The following CTNNA3 variants were observed in gnomAD, a reference collection of about 807,000 sequenced individuals.
The protein encoded by CTNNA3 is catenin alpha-3.
In CTNNA3, 76 loss-of-function variants were observed where a neutral mutation model predicts 95.7. That is an observed-to-expected ratio of 0.79 (90% CI 0.66 to 0.96). The LOEUF is 0.96. Ranked by LOEUF, CTNNA3 falls within the 40% of genes least tolerant of loss-of-function variation. The probability of loss-of-function intolerance (pLI) is 0.00; values close to 1 mark genes in which losing one functional copy is unlikely to be tolerated. For missense variants in CTNNA3, 1,191 were observed against 1,089.8 expected, an observed-to-expected ratio of 1.09 and a Z score of -1.31; for synonymous variants, 431 against 374.4, an observed-to-expected ratio of 1.15 and a Z score of -1.74.
Position 66,909,599 on chromosome 10 carries a change from A to G in CTNNA3, c.1048-134075T>C, listed in dbSNP as rs148414711. On this transcript the variant is annotated intron_variant, in intron 7 of 17. Transcript: ENST00000433211. ...CAGAACAGGAAATTTCCTCCAACCA[A>G]TTACTCAGATTGGAAGCAAATAAGA... Among the ~76,000 whole-genome samples the G allele has an allele frequency of 4.6e-5, 7 of 152,262 alleles. No homozygotes were observed. The East Asian group carries it at 1.2e-3, about 25-fold the overall frequency.
intron 11 of CTNNA3, among the ~76,000 whole-genome samples, chr10:66,487,082 T>G (rs772496338): frequency 1.7e-4 from 26 of 152,028 alleles, no homozygotes; most frequent in Admixed American, 4.6e-4. Flanking sequence ...GGCATAAACT[T>G]TCTGTTATAA....
chr10:67,635,839 TA>T (rs1220446659), intron 2 of CTNNA3, among the ~76,000 whole-genome samples: 1 of 151,812 alleles, frequency 6.6e-6, no homozygotes, highest in East Asian at 1.9e-4. Context: ...GAAAAAGAAA[TA>T]AAGAGTATCC....
intron 11 of CTNNA3, among the ~76,000 whole-genome samples, chr10:66,395,735 C>G (rs568618536): frequency 1.1e-3 from 169 of 152,056 alleles, no homozygotes; most frequent in Non-Finnish European, 2.0e-3. Context: ...CCAATTTCAC[C>G]AGCATCAGTA....
At chr10:67,565,735 C>A (rs968139177) in intron 3 of CTNNA3, among the ~76,000 whole-genome samples, 22 of 150,552 alleles carry the variant, frequency 1.5e-4, no homozygotes, top group Non-Finnish European at 3.0e-4. Context: ...AAAAGAAAAC[C>A]CTTATATTCT....
chr10:67,235,061 T>C (rs1166370852), intron 5 of CTNNA3, among the ~76,000 whole-genome samples: 2 of 151,304 alleles, frequency 1.3e-5, no homozygotes, highest in Non-Finnish European at 2.9e-5. Flanking sequence ...GTAGGAAGAA[T>C]CAATATCGTG....
At chr10:66,415,598 G>A (rs1357575759) in intron 11 of CTNNA3, among the ~76,000 whole-genome samples, 1 of 152,056 alleles carries the variant, frequency 6.6e-6, no homozygotes, top group Non-Finnish European at 1.5e-5. Context: ...CATATGAGCA[G>A]GCACTCTCAG....
At chr10:66,446,626 C>T (rs1459709570) in intron 11 of CTNNA3, among the ~76,000 whole-genome samples, 3 of 151,916 alleles carry the variant, frequency 2.0e-5, no homozygotes, top group Non-Finnish European at 4.4e-5. Context: ...ATCCAAAAAC[C>T]CTTCATGCTA....
At chr10:66,285,700 A>G (rs1351191216) in intron 12 of CTNNA3, among the ~76,000 whole-genome samples, 1 of 151,644 alleles carries the variant, frequency 6.6e-6, no homozygotes, top group East Asian at 1.9e-4. Flanking sequence ...ATTTTTTTAA[A>G]TTGCTTGGTT....
chr10:66,935,512 G>A (rs1230874166), intron 7 of CTNNA3, among the ~76,000 whole-genome samples: 1 of 151,892 alleles, frequency 6.6e-6, no homozygotes, highest in Non-Finnish European at 1.5e-5. Flanking sequence ...TAGAGGGTTA[G>A]GTAACATCAC....
chr10:66,642,850 G>A (rs967090357), intron 9 of CTNNA3, among the ~76,000 whole-genome samples: 5 of 152,050 alleles, frequency 3.3e-5, no homozygotes, highest in African/African-American at 1.2e-4. Context: ...ACTGTTGAAG[G>A]CTCTGCTTTA....
At chr10:66,710,887 G>A (rs1848269718) in intron 9 of CTNNA3, among the ~76,000 whole-genome samples, 2 of 151,830 alleles carry the variant, frequency 1.3e-5, no homozygotes, top group African/African-American at 2.4e-5. Flanking sequence ...TTTGCATCAG[G>A]TATGTTGCAA....
intron 10 of CTNNA3, among the ~76,000 whole-genome samples, chr10:66,549,005 T>C (rs1842128427): frequency 1.2e-5 from 1 of 83,212 alleles, no homozygotes; most frequent in Non-Finnish European, 2.5e-5. Context: ...TTTTTTTTGT[T>C]TGAGACGGAG....
At chr10:66,184,792 C>G (rs2086243581) in intron 13 of CTNNA3, among the ~76,000 whole-genome samples, 1 of 152,142 alleles carries the variant, frequency 6.6e-6, no homozygotes, top group African/African-American at 2.4e-5. Flanking sequence ...TGTATTGACT[C>G]TCTTCATTCA....
At chr10:67,193,252 T>G (rs1863201023) in intron 6 of CTNNA3, among the ~76,000 whole-genome samples, 1 of 152,062 alleles carries the variant, frequency 6.6e-6, no homozygotes, top group Non-Finnish European at 1.5e-5. Flanking sequence ...ACAATGCACA[T>G]GTATATCAAA....
At chr10:67,653,464 G>T in intron 1 of CTNNA3, among the ~76,000 whole-genome samples, 1 of 152,206 alleles carries the variant, frequency 6.6e-6, no homozygotes, top group African/African-American at 2.4e-5. Context: ...GGAGTTTGGG[G>T]TTGTTTATGT....
chr10:67,563,097 T>A (rs1841594992), intron 3 of CTNNA3, among the ~76,000 whole-genome samples: 1 of 152,062 alleles, frequency 6.6e-6, no homozygotes, highest in Non-Finnish European at 1.5e-5. Context: ...GCCATCCCCA[T>A]CAAGCTACCA....
At chr10:67,503,764 C>T (rs1839307170) in intron 5 of CTNNA3, among the ~76,000 whole-genome samples, 1 of 152,122 alleles carries the variant, frequency 6.6e-6, no homozygotes, top group Non-Finnish European at 1.5e-5. Context: ...CAAATTGATC[C>T]CCTACTGACA....
At chr10:67,550,925 A>G (rs1322480345) in intron 3 of CTNNA3, among the ~76,000 whole-genome samples, 5 of 152,132 alleles carry the variant, frequency 3.3e-5, no homozygotes, top group Non-Finnish European at 7.4e-5. Flanking sequence ...TTCGTGTCTC[A>G]GTCTATCATA....
At chr10:66,773,960 T>C (rs1307150722) in intron 8 of CTNNA3, among the ~76,000 whole-genome samples, 1 of 152,212 alleles carries the variant, frequency 6.6e-6, no homozygotes, top group African/African-American at 2.4e-5. Context: ...ATTTGGGACA[T>C]AATTATACTA....
Sources: allele counts gnomAD v4.1 joint callset (sites outside exome capture counted in the v4.1 genomes callset), GRCh38; gene constraint gnomAD v4.1.1; transcripts MANE v1.5; gene names NCBI Gene and HGNC (gene_info 2026-07-23, HGNC 2026-07-21).